Variants in PFKP observed in about 807,000 individuals in gnomAD.
PFKP encodes ATP-dependent 6-phosphofructokinase, platelet type.
PFKP carries 101 observed loss-of-function variants against 94.3 expected under a neutral mutation model. The ratio of observed to expected loss-of-function variants is 1.07; its 90% CI spans 0.91 to 1.26. The LOEUF is 1.26. PFKP is among the 50% of genes most tolerant of loss of function. The pLI is 0.00. For missense variants in PFKP, 1,145 were observed against 1,103.3 expected (o/e 1.04, Z -0.53); for synonymous variants, 573 against 432.6 (o/e 1.32, Z -4.03).
At chr10:3,096,478 C>A (rs949738743) in intron 2 of PFKP, among the ~76,000 whole-genome samples, 36 of 152,146 alleles carry the variant, frequency 2.4e-4, no homozygotes, top group African/African-American at 8.2e-4. Flanking sequence ...GGTTTACGGC[C>A]GCTCTACATC....
intron 1 of PFKP, among the ~76,000 whole-genome samples, chr10:3,077,249 C>CTTTTTTTTTTTTTTTTTTT (rs35306351): frequency 9.2e-6 from 1 of 108,178 alleles, no homozygotes; most frequent in Non-Finnish European, 1.8e-5. Context: ...CTATTCTTTA[C>CTTTTTTTTTTTTTTTTTTT]TTTTTTTTTT....
chr10:3,087,993 T>TTC (rs1311555899), intron 2 of PFKP, among the ~76,000 whole-genome samples: 2 of 150,002 alleles, frequency 1.3e-5, no homozygotes, highest in African/African-American at 2.5e-5. Flanking sequence ...TCTTTTTTTT[T>TTC]TTTTTTTTTT....
At chr10:3,109,607 G>C (rs1043101229) in intron 10 of PFKP, 127 bp downstream of exon 10, 14 of 1,150,466 alleles carry the variant, frequency 1.2e-5, no homozygotes, top group Non-Finnish European at 1.6e-5. Flanking sequence ...TTCTGAGAAG[G>C]AGGTGAGCTG....
At chr10:3,114,871 A>T (rs940937965) in intron 13 of PFKP, among the ~76,000 whole-genome samples, 16 of 152,332 alleles carry the variant, frequency 1.1e-4, no homozygotes, top group African/African-American at 3.8e-4. Context: ...CTGAGCAGGG[A>T]CTGGCCCACA....
At chr10:3,110,909 C>A (rs930884894) in intron 10 of PFKP, among the ~76,000 whole-genome samples, 1 of 149,204 alleles carries the variant, frequency 6.7e-6, no homozygotes. Context: ...TGTGTGCATG[C>A]ATGTTTGTAC....
intron 19 of PFKP, 93 bp downstream of exon 19, chr10:3,133,407 T>A: frequency 1.2e-6 from 1 of 835,060 alleles, no homozygotes; most frequent in Non-Finnish European, 2.1e-6. Flanking sequence ...GGGAAAAATG[T>A]ATAAGTAAAT....
chr10:3,126,530 G>A (rs1172171027), intron 16 of PFKP, among the ~76,000 whole-genome samples: 17 of 152,190 alleles, frequency 1.1e-4, no homozygotes, highest in Non-Finnish European at 1.5e-5. Flanking sequence ...GCTTTGCTGC[G>A]GGTTCCATGC....
In PFKP at chr10:3,129,819, A is replaced by G; in HGVS notation, c.1684A>G (p.Thr562Ala). The G allele has an allele frequency of 1.2e-6, 2 of 1,613,364 alleles. No homozygotes were observed. Among genetic ancestry groups the G allele is most frequent in the Non-Finnish European group, 1.7e-6 (2 of 1,179,946 alleles). The change falls in exon 17 of 22, where the codon ACC becomes GCC. Residue 562 changes from threonine to alanine, a missense_variant and splice_region_variant. Thr to Ala is a moderately conservative substitution (Grantham distance 58, BLOSUM62 0). This residue lies in a region of PFKP where 1,119 missense variants were observed against 1,062.8 expected (regional missense o/e 1.05). Coordinates refer to ENST00000381125, the MANE Select transcript of PFKP (RefSeq NM_002627.5). Reference protein sequence around the residue: ...ADTALNTITDTCDRIKQSASG... With the variant: ...ADTALNTITDACDRIKQSASG... ...TGACTGATCGCTTCTCTGTGACCAG[A>G]CCTGCGACCGCATCAAGCAGTCCGC...
chr10:3,121,282 A>ACGGCTTTGCTGCTGCGGGGCTGGCC (rs1837372663), intron 16 of PFKP, among the ~76,000 whole-genome samples: 1 of 152,202 alleles, frequency 6.6e-6, no homozygotes, highest in Non-Finnish European at 1.5e-5. Context: ...GGTGGGTGTC[A>ACGGCTTTGCTGCTGCGGGGCTGGCC]CGGCTTTGCT....
At chr10:3,111,834 G>A (rs1449938090) in intron 10 of PFKP, among the ~76,000 whole-genome samples, 1 of 152,074 alleles carries the variant, frequency 6.6e-6, no homozygotes, top group African/African-American at 2.4e-5. Context: ...GTTCTGTTTT[G>A]TTTTTCCCCA....
intron 5 of PFKP, among the ~76,000 whole-genome samples, chr10:3,104,538 T>G (rs532568131): frequency 6.6e-6 from 1 of 152,318 alleles, no homozygotes; most frequent in Non-Finnish European, 1.5e-5. Context: ...CGCCTCCCAG[T>G]CCTCTGTGTG....
intron 1 of PFKP, among the ~76,000 whole-genome samples, chr10:3,079,823 C>T (rs555620444): frequency 1.6e-4 from 24 of 152,246 alleles, no homozygotes; most frequent in Non-Finnish European, 3.4e-4. Flanking sequence ...GCTGTGCGTC[C>T]ACCCTTCGAG....
At chr10:3,089,828 A>C (rs1213301284) in intron 2 of PFKP, among the ~76,000 whole-genome samples, 1 of 151,636 alleles carries the variant, frequency 6.6e-6, no homozygotes, top group Non-Finnish European at 1.5e-5. Flanking sequence ...TCTATCTCAA[A>C]CTGTTTTTTA....
intron 16 of PFKP, among the ~76,000 whole-genome samples, chr10:3,123,536 C>A (rs1231334609): frequency 6.6e-6 from 1 of 152,312 alleles, no homozygotes. Context: ...CACCTGCCCT[C>A]CTGTGTGCCT....
Position 3,105,144 on chromosome 10 carries a change from T to C in PFKP, c.650T>C (p.Met217Thr). 1 of 1,613,912 alleles carries C rather than the reference T, an allele frequency of 6.2e-7. No individual in the cohort carries two copies. The change falls in exon 6 of 22, where the codon ATG becomes ACG. Residue 217 changes from methionine to threonine, a missense_variant. This residue lies in a region of PFKP where 1,119 missense variants were observed against 1,062.8 expected (regional missense o/e 1.05). Coordinates refer to ENST00000381125, the MANE Select transcript of PFKP (RefSeq NM_002627.5). The stretch of plus-strand genomic sequence containing the variant: ...CAGAGGACCTTCGTTCTGGAGGTGA[T>C]GGGACGACACTGTGGGTACGTACCT... ...SHQRTFVLEVMGRHCGYLALV... is the reference protein window; with the variant it reads ...SHQRTFVLEVTGRHCGYLALV...
intron 6 of PFKP, 79 bp downstream of exon 6, chr10:3,105,238 C>T: frequency 1.4e-6 from 2 of 1,416,850 alleles, no homozygotes; most frequent in South Asian, 1.1e-5. Context: ...CTGCACCCCA[C>T]ATCCTGAATG....
At chr10:3,122,412 G>C (rs1381373290) in intron 16 of PFKP, among the ~76,000 whole-genome samples, 14 of 152,236 alleles carry the variant, frequency 9.2e-5, no homozygotes, top group Admixed American at 5.9e-4. Context: ...TGAAGGGAGA[G>C]GGACCGATAT....
chr10:3,091,351 A>T (rs1834024703), intron 2 of PFKP, among the ~76,000 whole-genome samples: 2 of 152,108 alleles, frequency 1.3e-5, no homozygotes, highest in Non-Finnish European at 2.9e-5. Context: ...GGTGGGTCCA[A>T]ACCAAGCTGG....
Position 3,113,178 on chromosome 10 carries a change from A to G in PFKP, c.1214A>G (p.Gln405Arg). ...KRLAIKLPDD[Q>R]IPKTNCNVAV... ...CTTGCCATCAAGCTGCCGGATGATC[A>G]GATCCCAAAGGTAGGTGGCCGGCCT... The change falls in exon 12 of 22, where the codon CAG becomes CGG. Residue 405 changes from glutamine (Q) to arginine (R), a missense_variant. Gln to Arg is a conservative substitution (Grantham distance 43). Around this residue, in one of 3 missense-constraint regions of PFKP, gnomAD observed 1,119 missense variants for 1,062.8 expected, o/e 1.05. Coordinates refer to ENST00000381125, the MANE Select transcript of PFKP (RefSeq NM_002627.5). The G allele has an allele frequency of 6.2e-7, 1 of 1,612,144 alleles. No individual in the cohort carries two copies. The highest frequency in any genetic ancestry group is 8.5e-7 in the Non-Finnish European group (1 of 1,179,182).
Sources: gnomAD v4.1 joint callset for allele counts (sites outside exome capture counted in the v4.1 genomes callset) on GRCh38, gnomAD v4.1.1 for gene constraint, gnomAD v4.1.1 regional missense constraint, MANE v1.5 for transcripts, NCBI Gene and HGNC (gene_info 2026-07-23, HGNC 2026-07-21) for gene names.